The following CFTR variants were observed in gnomAD, a reference collection of about 807,000 sequenced individuals.
CFTR encodes the protein cystic fibrosis transmembrane conductance regulator.
Under a neutral mutation model 171.6 loss-of-function variants are expected in CFTR, and 181 were observed. The ratio of observed to expected loss-of-function variants is 1.05; its 90% CI spans 0.93 to 1.19. The LOEUF (loss-of-function observed/expected upper bound fraction) is 1.19, where lower values mean the gene tolerates loss of function less well. Among genes scored for constraint, CFTR ranks in the 50% most tolerant of loss-of-function variants. The pLI, the probability that CFTR is intolerant of heterozygous loss-of-function variation, is 0.00. For missense variants in CFTR, 1,968 were observed against 1,734.7 expected (o/e 1.13, Z -2.39); for synonymous variants, 583 against 608.0 (o/e 0.96, Z 0.60).
intron 11 of CFTR, among the ~76,000 whole-genome samples, chr7:117,572,343 T>G (rs944444207): frequency 6.6e-6 from 1 of 152,146 alleles, no homozygotes; most frequent in Non-Finnish European, 1.5e-5. Context: ...TTAGTTCTCA[T>G]GCTTTCTAGT....
chr7:117,606,754 G>A lies in CFTR; in HGVS notation c.2988+1G>A, dbSNP rs75096551. On this transcript the variant is annotated splice_donor_variant, in intron 18 of 26. Coordinates refer to ENST00000003084, the MANE Select transcript of CFTR (RefSeq NM_000492.4). LOFTEE classifies it high-confidence loss of function. ...TCTTACCATATTTGACTTCATCCAG[G>A]TATGTAAAAATAAGTACCGTTAAGT... 6.6e-5 allele frequency: 101 copies of A among 1,525,228 alleles called. No individual in the cohort carries two copies. The African/African-American group carries it at 1.2e-3, about 18-fold the overall frequency. The allele number at this position is 1,525,228 out of a possible 1,614,324, so 94.5% of individuals were successfully genotyped here.
chr7:117,632,024 G>A (rs1000966882), intron 22 of CFTR, among the ~76,000 whole-genome samples: 1 of 152,174 alleles, frequency 6.6e-6, no homozygotes, highest in Admixed American at 6.5e-5. Flanking sequence ...TTGTCAGTAG[G>A]ATAGGGAAAA....
chr7:117,616,067 G>A (rs1425341428), intron 21 of CFTR, among the ~76,000 whole-genome samples: 1 of 151,952 alleles, frequency 6.6e-6, no homozygotes, highest in African/African-American at 2.4e-5. Flanking sequence ...ATCAACTCCT[G>A]TCAGAACAAA....
rs113857788 is a variant in CFTR at position 117,664,780 on chromosome 7, G to C, written c.4056G>C (p.Gln1352His). The C allele has an allele frequency of 5.9e-4, 948 of 1,614,026 alleles. 18 individuals are homozygous for C. In the East Asian group the frequency reaches 0.019, roughly 33 times the overall value. Residue 1352 changes from glutamine (Q) to histidine (H), a missense_variant, in exon 25 of 27, where the codon CAG (glutamine) becomes CAC (histidine). Gln to His is a conservative substitution (Grantham distance 24). Transcript: ENST00000003084. The stretch of plus-strand genomic sequence containing the variant: ...GTGTCCTAAGCCATGGCCACAAGCA[G>C]TTGATGTGCTTGGCTAGATCTGTTC... Reference protein sequence around the residue: ...GGCVLSHGHKQLMCLARSVLS... With the variant: ...GGCVLSHGHKHLMCLARSVLS...
chr7:117,518,040 A>G (rs1369842908), intron 3 of CFTR, among the ~76,000 whole-genome samples: 3 of 150,598 alleles, frequency 2.0e-5, no homozygotes, highest in Non-Finnish European at 3.0e-5. Context: ...TGCTGGATAG[A>G]ACATGTTTTA....
chr7:117,485,028 G>C (rs1286373702), intron 1 of CFTR, among the ~76,000 whole-genome samples: 1 of 152,070 alleles, frequency 6.6e-6, no homozygotes, highest in Admixed American at 6.6e-5. Flanking sequence ...CGGTTTTCCA[G>C]TTTTCCATTT....
At chr7:117,661,955 A>G (rs1016822797) in intron 24 of CFTR, among the ~76,000 whole-genome samples, 1 of 147,902 alleles carries the variant, frequency 6.8e-6, no homozygotes, top group Non-Finnish European at 1.5e-5. Flanking sequence ...GTCTTAAGCC[A>G]GACCTTTTCT....
intron 3 of CFTR, among the ~76,000 whole-genome samples, chr7:117,514,181 T>A (rs907532710): frequency 5.9e-5 from 9 of 152,020 alleles, no homozygotes; most frequent in African/African-American, 1.9e-4. Context: ...ATTTTTTTTT[T>A]ATTTTTTCTT....
chr7:117,591,785 T>A, intron 13 of CFTR, 149 bp from the exon 14 acceptor site: 2 of 522,426 alleles, frequency 3.8e-6, no homozygotes, highest in Middle Eastern at 1.0e-3. Flanking sequence ...ATTTAATTAC[T>A]ACAGAGTACT....
At chr7:117,620,977 C>T (rs1792567771) in intron 21 of CFTR, among the ~76,000 whole-genome samples, 2 of 152,134 alleles carry the variant, frequency 1.3e-5, no homozygotes, top group Non-Finnish European at 2.9e-5. Context: ...CATGATGGCA[C>T]ATGCCTCCCA....
chr7:117,629,977 C>G (rs1383927780), intron 22 of CFTR, among the ~76,000 whole-genome samples: 1 of 152,144 alleles, frequency 6.6e-6, no homozygotes, highest in Non-Finnish European at 1.5e-5. Context: ...ACCATTGCTC[C>G]TCTTTAAAGG....
intron 22 of CFTR, among the ~76,000 whole-genome samples, chr7:117,638,081 G>C (rs1792853794): frequency 6.6e-6 from 1 of 152,144 alleles, no homozygotes; most frequent in Non-Finnish European, 1.5e-5. Flanking sequence ...TTACAGTTTA[G>C]GTTTTCCTAC....
Position 117,665,440 on chromosome 7 carries a change from T to C in CFTR, c.4137-19T>C. On this transcript the variant is annotated intron_variant, in intron 25 of 26. Coordinates refer to ENST00000003084, the MANE Select transcript of CFTR (RefSeq NM_000492.4). ...TACTGTTCTGTGATATTATGTGTGG[T>C]ATTTTCTTTCTTTTCTAGAACATAC... 1 of 1,338,464 alleles carries C rather than the reference T, an allele frequency of 7.5e-7. No individual in the cohort carries two copies. Among genetic ancestry groups the C allele is most frequent in the Non-Finnish European group, 1.1e-6 (1 of 929,088 alleles). The allele number at this position is 1,338,464 out of a possible 1,614,324, so 82.9% of individuals were successfully genotyped here. A position where few individuals can be genotyped will look rare whatever the true frequency, so the allele number is the denominator to read the frequency against.
At chr7:117,512,844 G>C (rs1764628653) in intron 3 of CFTR, among the ~76,000 whole-genome samples, 1 of 152,086 alleles carries the variant, frequency 6.6e-6, no homozygotes, top group Non-Finnish European at 1.5e-5. Context: ...TTCCTAGGCA[G>C]CTCTGGGCAT....
chr7:117,580,952 G>A (rs213956), intron 11 of CFTR, among the ~76,000 whole-genome samples: 58,164 of 151,874 alleles, frequency 0.38, 15,076 homozygotes, highest in African/African-American at 0.73. Context: ...TGGAAATTTC[G>A]AATAAACGAT....
intron 22 of CFTR, among the ~76,000 whole-genome samples, chr7:117,628,297 C>G (rs903296029): frequency 1.3e-5 from 2 of 151,970 alleles, no homozygotes; most frequent in Non-Finnish European, 2.9e-5. Context: ...ATTTTGAAAT[C>G]CTTCTTATGG....
chr7:117,505,646 A>C (rs187412822), intron 2 of CFTR, among the ~76,000 whole-genome samples: 2 of 152,292 alleles, frequency 1.3e-5, no homozygotes, highest in East Asian at 3.9e-4. Context: ...CCCTTGGGCC[A>C]CTCATAGTCT....
chr7:117,649,519 A>ATTTT (rs35134989), intron 23 of CFTR, among the ~76,000 whole-genome samples: 2 of 103,666 alleles, frequency 1.9e-5, no homozygotes, highest in South Asian at 3.1e-4. Context: ...ATATATATAT[A>ATTTT]TTTTTTTTTT....
intron 7 of CFTR, among the ~76,000 whole-genome samples, chr7:117,537,542 G>A (rs935991489): frequency 6.6e-6 from 1 of 152,116 alleles, no homozygotes; most frequent in African/African-American, 2.4e-5. Flanking sequence ...TAAAAAGAGA[G>A]GTACCATTTT....
Sources: allele counts gnomAD v4.1 joint callset (sites outside exome capture counted in the v4.1 genomes callset), GRCh38; gene constraint gnomAD v4.1.1; transcripts MANE v1.5; gene names NCBI Gene and HGNC (gene_info 2026-07-23, HGNC 2026-07-21).